Variants in ASXL2 observed in about 807,000 individuals in gnomAD.
ASXL2 encodes the protein ASXL transcriptional regulator 2.
Under a neutral mutation model 122.0 loss-of-function variants are expected in ASXL2, and 23 were observed. The observed-to-expected ratio is 0.19, with a 90% CI of 0.14 to 0.27. The LOEUF (loss-of-function observed/expected upper bound fraction) is 0.27, where lower values mean the gene tolerates loss of function less well. Among genes scored for constraint, ASXL2 ranks in the 10% least tolerant of loss-of-function variants. ASXL2 has a pLI of 1.00. For missense variants in ASXL2, 1,518 were observed against 1,713.8 expected (o/e 0.89, Z 2.02); for synonymous variants, 650 against 637.0 (o/e 1.02, Z -0.31).
intron 5 of ASXL2, among the ~76,000 whole-genome samples, chr2:25,788,371 C>G (rs2088780365): frequency 6.6e-6 from 1 of 152,208 alleles, no homozygotes; most frequent in Non-Finnish European, 1.5e-5. Flanking sequence ...TTCATTTATC[C>G]TATCTTTGAT....
intron 3 of ASXL2, among the ~76,000 whole-genome samples, chr2:25,832,951 T>C (rs1299623183): frequency 6.6e-6 from 1 of 152,148 alleles, no homozygotes; most frequent in East Asian, 1.9e-4. Flanking sequence ...GATGGTTACA[T>C]ACTCTATGAT....
At chr2:25,772,895 A>T (rs577687392) in intron 5 of ASXL2, among the ~76,000 whole-genome samples, 1 of 152,262 alleles carries the variant, frequency 6.6e-6, no homozygotes, top group South Asian at 2.1e-4. Context: ...GCATTTAAAG[A>T]AGATAGCATC....
chr2:25,827,661 T>A (rs545908322), intron 3 of ASXL2, among the ~76,000 whole-genome samples: 6 of 152,292 alleles, frequency 3.9e-5, no homozygotes, highest in African/African-American at 1.4e-4. Context: ...CTTCATACTC[T>A]TTTCCTCCCC....
At chr2:25,760,709 T>C (rs2088227653) in intron 8 of ASXL2, among the ~76,000 whole-genome samples, 1 of 152,210 alleles carries the variant, frequency 6.6e-6, no homozygotes, top group Admixed American at 6.5e-5. Context: ...ACTGGATTCC[T>C]ACAAATTAAA....
Position 25,799,425 on chromosome 2 carries a change from G to A in ASXL2, c.363C>T (p.Gly121=). 6.2e-7 allele frequency: 1 copy of A among 1,613,886 alleles called. No homozygotes were observed. Among genetic ancestry groups the A allele is most frequent in the Non-Finnish European group, 8.5e-7 (1 of 1,179,876 alleles). ...SENSSSSSDG[G]SNKEGKKSRW... ...TGCTCTTTTTTCCCTCCTTGTTGCTGCCACCATCACTGCTGCTGCTGCTGT... is the reference window on the plus strand; with the variant it reads ...TGCTCTTTTTTCCCTCCTTGTTGCTACCACCATCACTGCTGCTGCTGCTGT... Residue 121 remains glycine, a synonymous_variant, in exon 5 of 13, where the codon GGC becomes GGT. Coordinates refer to ENST00000435504, the MANE Select transcript of ASXL2 (RefSeq NM_018263.6).
At chr2:25,809,055 A>G (rs2089126376) in intron 3 of ASXL2, among the ~76,000 whole-genome samples, 1 of 152,248 alleles carries the variant, frequency 6.6e-6, no homozygotes, top group Non-Finnish European at 1.5e-5. Context: ...TCTGATACAA[A>G]GTACAATGAG....
At chr2:25,773,185 G>C (rs141708203) in intron 5 of ASXL2, among the ~76,000 whole-genome samples, 1 of 151,712 alleles carries the variant, frequency 6.6e-6, no homozygotes, top group African/African-American at 2.4e-5. Flanking sequence ...TCCAGCCTGG[G>C]TGACAGAGCG....
intron 3 of ASXL2, among the ~76,000 whole-genome samples, chr2:25,833,638 G>T (rs2149187834): frequency 6.6e-6 from 1 of 152,218 alleles, no homozygotes; most frequent in Non-Finnish European, 1.5e-5. Flanking sequence ...AGAGGTTGCA[G>T]TGAGCTGAGA....
intron 8 of ASXL2, among the ~76,000 whole-genome samples, chr2:25,765,231 A>G (rs765664367): frequency 2.3e-4 from 35 of 152,132 alleles, no homozygotes; most frequent in Non-Finnish European, 4.6e-4. Context: ...CATGCCTGTA[A>G]TCCCAGCACT....
chr2:25,846,441 A>G (rs957597424), intron 1 of ASXL2, among the ~76,000 whole-genome samples: 1 of 152,144 alleles, frequency 6.6e-6, no homozygotes, highest in Non-Finnish European at 1.5e-5. Flanking sequence ...TGAGGTCAGG[A>G]GTTCAAGACC....
intron 5 of ASXL2, among the ~76,000 whole-genome samples, chr2:25,772,407 T>C (rs998084195): frequency 6.6e-6 from 1 of 151,994 alleles, no homozygotes; most frequent in African/African-American, 2.4e-5. Flanking sequence ...TGATATCCCA[T>C]GGTAAGGGCA....
intron 3 of ASXL2, among the ~76,000 whole-genome samples, chr2:25,811,365 A>G (rs989815916): frequency 3.0e-4 from 45 of 151,962 alleles, no homozygotes; most frequent in African/African-American, 9.7e-4. Flanking sequence ...AAACATATTG[A>G]CTGTATAAAA....
intron 2 of ASXL2, among the ~76,000 whole-genome samples, chr2:25,840,368 C>T (rs973815835): frequency 8.5e-5 from 13 of 152,134 alleles, no homozygotes; most frequent in African/African-American, 2.4e-4. Flanking sequence ...TGGTTGGTTG[C>T]GGTAAAACCC....
intron 3 of ASXL2, among the ~76,000 whole-genome samples, chr2:25,828,474 C>T (rs1322436582): frequency 6.7e-6 from 1 of 148,620 alleles, no homozygotes; most frequent in Non-Finnish European, 1.5e-5. Flanking sequence ...CCATTGCACT[C>T]CCTCCCTGGG....
chr2:25,860,716 A>G (rs553864778), intron 1 of ASXL2, among the ~76,000 whole-genome samples: 22 of 106,620 alleles, frequency 2.1e-4, no homozygotes, highest in African/African-American at 7.1e-4. Context: ...ATCTCAGAGG[A>G]AAAAAAAAAG....
chr2:25,746,926 G>A (rs148498115), intron 12 of ASXL2, among the ~76,000 whole-genome samples: 7 of 152,158 alleles, frequency 4.6e-5, no homozygotes, highest in African/African-American at 1.7e-4. Flanking sequence ...ATCCATGGGG[G>A]ATTGGTTCTA....
At position 25,878,403 on chromosome 2, in the gene ASXL2, C is replaced by A; in HGVS notation, c.-181G>T. 3.3e-6 allele frequency: 2 copies of A among 609,542 alleles called. No homozygotes were observed. Among genetic ancestry groups the A allele is most frequent in the Non-Finnish European group, 5.8e-6 (2 of 346,168 alleles). The allele number at this position is 609,542 out of a possible 1,614,324, so 37.8% of individuals were successfully genotyped here. A position where few individuals can be genotyped will look rare whatever the true frequency, so the allele number is the denominator to read the frequency against. Reference sequence around the variant, plus strand: ...GTGGTGCGCGGGGGGGTCTATGGGGCGGCCGGTCCTCTTGCTGCCGTTGCC... The same window carrying A: ...GTGGTGCGCGGGGGGGTCTATGGGGAGGCCGGTCCTCTTGCTGCCGTTGCC... On this transcript the variant is annotated 5_prime_UTR_variant, in exon 1 of 13. Coordinates refer to ENST00000435504, the MANE Select transcript of ASXL2 (RefSeq NM_018263.6).
At chr2:25,802,638 G>A (rs966938129) in intron 4 of ASXL2, among the ~76,000 whole-genome samples, 1 of 152,122 alleles carries the variant, frequency 6.6e-6, no homozygotes, top group African/African-American at 2.4e-5. Context: ...GTGAGCTACT[G>A]CATAGTCTCA....
intron 2 of ASXL2, among the ~76,000 whole-genome samples, chr2:25,839,613 T>C (rs2089552709): frequency 8.2e-6 from 1 of 121,516 alleles, no homozygotes; most frequent in South Asian, 2.9e-4. Flanking sequence ...GGAAATTCTA[T>C]CTTTTTTTTT....
Sources: gnomAD v4.1 joint callset for allele counts (sites outside exome capture counted in the v4.1 genomes callset) on GRCh38, gnomAD v4.1.1 for gene constraint, MANE v1.5 for transcripts, NCBI Gene and HGNC (gene_info 2026-07-23, HGNC 2026-07-21) for gene names.